Variants in MTHFD1L observed in about 807,000 individuals in gnomAD.
MTHFD1L encodes monofunctional C1-tetrahydrofolate synthase, mitochondrial.
MTHFD1L carries 81 observed loss-of-function variants against 119.5 expected under a neutral mutation model. The observed-to-expected ratio is 0.68, with a 90% CI of 0.57 to 0.82. The LOEUF is 0.82. Ranked by LOEUF, MTHFD1L falls within the 40% of genes least tolerant of loss-of-function variation. MTHFD1L has a pLI of 0.00. For missense variants in MTHFD1L, 1,125 were observed against 1,253.4 expected, an observed-to-expected ratio of 0.90 and a Z score of 1.55; for synonymous variants, 430 against 475.2, an observed-to-expected ratio of 0.90 and a Z score of 1.24.
intron 20 of MTHFD1L, among the ~76,000 whole-genome samples, chr6:150,972,942 A>T (rs1798177247): frequency 6.6e-6 from 1 of 152,216 alleles, no homozygotes; most frequent in African/African-American, 2.4e-5. Context: ...GGCAACTCTC[A>T]TAGAGTTTAC....
chr6:151,094,927 G>T (rs145792390), intron 27 of MTHFD1L, among the ~76,000 whole-genome samples: 1 of 152,176 alleles, frequency 6.6e-6, no homozygotes, highest in African/African-American at 2.4e-5. Context: ...GAGCCACCTC[G>T]TCTGGCCAAG....
intron 2 of MTHFD1L, 48 bp downstream of exon 2, chr6:150,876,222 A>G (rs377721815): frequency 1.5e-5 from 21 of 1,383,984 alleles, no homozygotes; most frequent in South Asian, 2.9e-5. Context: ...ATGCCTTTCA[A>G]TTTAGAAAAT....
chr6:151,013,184 A>G (rs1238916157), intron 21 of MTHFD1L, among the ~76,000 whole-genome samples: 1 of 152,176 alleles, frequency 6.6e-6, no homozygotes, highest in African/African-American at 2.4e-5. Flanking sequence ...GTTCGAGACC[A>G]GCCTGGGGAA....
intron 8 of MTHFD1L, among the ~76,000 whole-genome samples, chr6:150,917,689 A>G (rs935315774): frequency 2.0e-5 from 3 of 152,084 alleles, no homozygotes; most frequent in Admixed American, 6.6e-5. Context: ...AACTTTATAT[A>G]CCTTATCATA....
chr6:151,045,054 G>A (rs1321828340), intron 26 of MTHFD1L, among the ~76,000 whole-genome samples: 2 of 152,142 alleles, frequency 1.3e-5, no homozygotes, highest in Non-Finnish European at 2.9e-5. Context: ...GAAGTTATTT[G>A]TGAACTCAGT....
intron 17 of MTHFD1L, among the ~76,000 whole-genome samples, chr6:150,957,652 A>C (rs1452478772): frequency 6.6e-6 from 1 of 152,146 alleles, no homozygotes; most frequent in Non-Finnish European, 1.5e-5. Flanking sequence ...TTGGTCCGCC[A>C]TTTTGTCCCA....
intron 26 of MTHFD1L, among the ~76,000 whole-genome samples, chr6:151,083,969 G>A (rs888144588): frequency 3.9e-5 from 6 of 152,166 alleles, no homozygotes; most frequent in African/African-American, 1.2e-4. Flanking sequence ...GAGATATGGT[G>A]CATACAACGT....
Position 150,936,886 on chromosome 6 carries a change from A to T in MTHFD1L, c.1339A>T (p.Asn447Tyr). 1 of 1,614,094 alleles carries T rather than the reference A, an allele frequency of 6.2e-7. No homozygotes were observed. The highest frequency in any genetic ancestry group is 8.5e-7 in the Non-Finnish European group (1 of 1,180,004). ...VQALTAHLNV[N>Y]SFACLRQPSQ... ...GGCTCTGACCGCACACCTGAATGTC[A>T]ACTCCTTTGCCTGCTTGAGGCAGCC... The change falls in exon 12 of 28, where the codon AAC becomes TAC. Residue 447 changes from asparagine to tyrosine, a missense_variant. By Grantham distance (143) the Asn-to-Tyr change is moderately radical (BLOSUM62 -2). This residue lies in a region of MTHFD1L where 1,058 missense variants were observed against 1,151.2 expected (regional missense o/e 0.92). Transcript: ENST00000367321.
intron 25 of MTHFD1L, 46 bp from the exon 26 acceptor site, chr6:151,036,919 G>A (rs1403804312): frequency 2.5e-6 from 4 of 1,606,356 alleles, no homozygotes; most frequent in Non-Finnish European, 3.4e-6. Flanking sequence ...AAGCACAGGA[G>A]ACTAACATCT....
chr6:151,096,807 C>T (rs1382426734), intron 27 of MTHFD1L, among the ~76,000 whole-genome samples: 1 of 152,162 alleles, frequency 6.6e-6, no homozygotes, highest in Non-Finnish European at 1.5e-5. Context: ...CCTTCCTCAC[C>T]TTTCTAGCCT....
chr6:150,880,574 C>T (rs1035883180), intron 4 of MTHFD1L, among the ~76,000 whole-genome samples: 3 of 152,216 alleles, frequency 2.0e-5, no homozygotes, highest in East Asian at 1.9e-4. Context: ...GGAATGCAGA[C>T]GGCTTCTCAG....
In MTHFD1L at chr6:151,014,933, C is replaced by T. The variant is rs773258530; in HGVS notation, c.2361C>T (p.Ile787=). 9.3e-6 allele frequency: 15 copies of T among 1,613,996 alleles called. No homozygotes were observed. The East Asian group carries it at 3.1e-4, about 34-fold the overall frequency. The change falls in exon 23 of 28, where the codon ATC becomes ATT. Residue 787 remains isoleucine, a synonymous_variant. Transcript: ENST00000367321. Reference sequence around the variant, plus strand: ...GTAACCTCCAGAAGCAAATTCAGATCACTCAGCTCTTTGGGGTTCCCGTTG... The same window carrying T: ...GTAACCTCCAGAAGCAAATTCAGATTACTCAGCTCTTTGGGGTTCCCGTTG... ...GCCNLQKQIQ[I]TQLFGVPVVV...
chr6:150,931,727 G>C (rs1212431265), intron 11 of MTHFD1L, among the ~76,000 whole-genome samples: 1 of 152,240 alleles, frequency 6.6e-6, no homozygotes, highest in Non-Finnish European at 1.5e-5. Flanking sequence ...ATAGTTCAAA[G>C]TTTTACCACT....
intron 1 of MTHFD1L, 50 bp downstream of exon 1, chr6:150,866,099 G>T (rs1583255853): frequency 2.0e-6 from 3 of 1,474,142 alleles, no homozygotes; most frequent in South Asian, 2.6e-5. Flanking sequence ...CTGTGGCCCC[G>T]ACCCAGGGGC....
rs774534837 is a variant in MTHFD1L at position 150,964,993 on chromosome 6, T to C, written c.1969T>C (p.Leu657=). The C allele has an allele frequency of 1.2e-6, 2 of 1,614,072 alleles. No individual in the cohort carries two copies. The highest frequency in any genetic ancestry group is 2.2e-5 in the South Asian group (2 of 91,082). The change falls in exon 19 of 28, where the codon TTG becomes CTG. Residue 657 remains leucine (L), a synonymous_variant. Transcript: ENST00000367321. ...GGGGGTGACAGGTGCTTTGACAGTT[T>C]TGATGAAAGATGCAATAAAACCAAA... ...DLGVTGALTV[L]MKDAIKPNLM...
intron 27 of MTHFD1L, among the ~76,000 whole-genome samples, chr6:151,100,349 T>C (rs2128669786): frequency 6.6e-6 from 1 of 152,312 alleles, no homozygotes; most frequent in Admixed American, 6.5e-5. Flanking sequence ...ATAATACTCC[T>C]GTTTTCTGTT....
At chr6:150,866,501 A>G in intron 1 of MTHFD1L, 1 of 1,301,232 alleles carries the variant, frequency 7.7e-7, no homozygotes, top group Non-Finnish European at 9.7e-7. Flanking sequence ...GGGCAAGCGG[A>G]GCTCGGGAGA....
chr6:151,006,607 G>A (rs1781436685), intron 20 of MTHFD1L, among the ~76,000 whole-genome samples: 1 of 152,078 alleles, frequency 6.6e-6, no homozygotes, highest in Non-Finnish European at 1.5e-5. Flanking sequence ...TTTTTCAAGG[G>A]CATTCAATGG....
chr6:150,884,092 T>C (rs1781813418), intron 5 of MTHFD1L, among the ~76,000 whole-genome samples: 1 of 151,476 alleles, frequency 6.6e-6, no homozygotes. Flanking sequence ...GATCTCTTGA[T>C]CTCAGGAGGT....
Sources: allele counts gnomAD v4.1 joint callset (sites outside exome capture counted in the v4.1 genomes callset), GRCh38; gene constraint gnomAD v4.1.1; regional missense constraint gnomAD v4.1.1; transcripts MANE v1.5; gene names NCBI Gene and HGNC (gene_info 2026-07-23, HGNC 2026-07-21).